GABRB1: variants seen among roughly 807,000 people sequenced by gnomAD.
GABRB1 encodes gamma-aminobutyric acid type A receptor subunit beta1.
A neutral mutation model predicts 51.6 loss-of-function variants in GABRB1; 17 were observed. The ratio of observed to expected loss-of-function variants is 0.33; its 90% CI spans 0.23 to 0.49. The LOEUF is 0.49. Among genes scored for constraint, GABRB1 ranks in the 20% least tolerant of loss-of-function variants. The pLI is 0.99. For synonymous variants in GABRB1, 247 were observed against 218.9 expected (o/e 1.13, Z -1.14); for missense variants, 410 against 600.6 (o/e 0.68, Z 3.32).
intron 4 of GABRB1, among the ~76,000 whole-genome samples, chr4:47,170,137 G>A (rs1388992516): frequency 6.6e-6 from 1 of 151,980 alleles, no homozygotes; most frequent in Non-Finnish European, 1.5e-5. Context: ...GACCTGATGA[G>A]GATTTTGATA....
At chr4:47,384,043 A>AAT (rs1727688080) in intron 5 of GABRB1, among the ~76,000 whole-genome samples, 1 of 152,126 alleles carries the variant, frequency 6.6e-6, no homozygotes. Context: ...AGGATATTTA[A>AAT]ATAACTTTGA....
chr4:47,197,731 T>C (rs953743779), intron 4 of GABRB1, among the ~76,000 whole-genome samples: 1 of 152,234 alleles, frequency 6.6e-6, no homozygotes, highest in Admixed American at 6.5e-5. Flanking sequence ...ATACCTATAC[T>C]ATATATGCCA....
At chr4:47,062,231 A>AT (rs1438110835) in intron 3 of GABRB1, among the ~76,000 whole-genome samples, 1 of 151,662 alleles carries the variant, frequency 6.6e-6, no homozygotes, top group African/African-American at 2.4e-5. Context: ...TCTCAAAAGG[A>AT]TTTTTTTAGT....
chr4:47,207,259 C>T (rs1225925916), intron 4 of GABRB1, among the ~76,000 whole-genome samples: 1 of 151,920 alleles, frequency 6.6e-6, no homozygotes, highest in Non-Finnish European at 1.5e-5. Flanking sequence ...TTAACTTGAG[C>T]TACTCTCTGT....
chr4:47,371,264 A>G (rs544858757), intron 5 of GABRB1, among the ~76,000 whole-genome samples: 1 of 152,174 alleles, frequency 6.6e-6, no homozygotes, highest in Non-Finnish European at 1.5e-5. Flanking sequence ...AAAGAACATG[A>G]TATCATTCCT....
intron 3 of GABRB1, among the ~76,000 whole-genome samples, chr4:47,118,072 T>C (rs1304429345): frequency 1.3e-5 from 2 of 152,116 alleles, no homozygotes; most frequent in African/African-American, 2.4e-5. Flanking sequence ...ATAAAATATA[T>C]AGGATATAAA....
intron 3 of GABRB1, among the ~76,000 whole-genome samples, chr4:47,122,789 G>A (rs573502157): frequency 6.6e-6 from 1 of 152,312 alleles, no homozygotes; most frequent in East Asian, 1.9e-4. Context: ...AGGAACCACA[G>A]TGGGCAAGAA....
intron 5 of GABRB1, among the ~76,000 whole-genome samples, chr4:47,360,041 G>A (rs1471279296): frequency 6.6e-6 from 1 of 151,670 alleles, no homozygotes; most frequent in African/African-American, 2.4e-5. Context: ...GAGCGGGGAG[G>A]ATCACCTAAT....
chr4:47,258,757 A>C (rs1006804080), intron 4 of GABRB1, among the ~76,000 whole-genome samples: 8 of 152,190 alleles, frequency 5.3e-5, no homozygotes, highest in Non-Finnish European at 8.8e-5. Context: ...ATTGCAATCA[A>C]TATATACATG....
intron 1 of GABRB1, among the ~76,000 whole-genome samples, chr4:47,001,629 T>C (rs1724221712): frequency 6.6e-6 from 1 of 152,220 alleles, no homozygotes; most frequent in Non-Finnish European, 1.5e-5. Flanking sequence ...GACTTCAGAT[T>C]TGATCTGCAA....
intron 3 of GABRB1, among the ~76,000 whole-genome samples, chr4:47,117,749 G>T (rs769902308): frequency 1.1e-4 from 16 of 152,088 alleles, no homozygotes; most frequent in Non-Finnish European, 2.1e-4. Flanking sequence ...ATATAATAAA[G>T]GTTGGTTATG....
rs1577981460 is a variant in GABRB1, at chr4:47,183,716, G to A, written c.461+22247G>A. 2.0e-5 allele frequency among the ~76,000 whole-genome samples: 3 copies of A among 151,676 alleles called. No individual in the cohort carries two copies. In the East Asian group the frequency reaches 5.9e-4, roughly 30 times the overall value. On this transcript the variant is annotated intron_variant, in intron 4 of 8. Coordinates refer to ENST00000295454, the MANE Select transcript of GABRB1 (RefSeq NM_000812.4). ...TCACCTCTCAATCCCTGCTAGTGTT[G>A]CCTTACATCCACATGAACTCATGGC...
At chr4:47,386,785 G>A (rs1170952755) in intron 5 of GABRB1, among the ~76,000 whole-genome samples, 2 of 152,152 alleles carry the variant, frequency 1.3e-5, no homozygotes, top group African/African-American at 4.8e-5. Flanking sequence ...AGCATTCTGG[G>A]CAATATAGTA....
chr4:47,142,582 A>C (rs1716979080), intron 3 of GABRB1, among the ~76,000 whole-genome samples: 1 of 151,874 alleles, frequency 6.6e-6, no homozygotes, highest in African/African-American at 2.4e-5. Context: ...CGATGTGAAA[A>C]ATGAGTTTGG....
rs183182921 is a variant in GABRB1, at chr4:47,356,676, C to T, written c.544+36467C>T. On this transcript the variant is annotated intron_variant, in intron 5 of 8. Coordinates refer to ENST00000295454, the MANE Select transcript of GABRB1 (RefSeq NM_000812.4). Reference sequence around the variant, plus strand: ...GGGTCATAAACCTTAATAGAAATGGCTTGGAAGATGTTGATCTAGTTTTGG... The same window carrying T: ...GGGTCATAAACCTTAATAGAAATGGTTTGGAAGATGTTGATCTAGTTTTGG... Among the ~76,000 whole-genome samples the T allele has an allele frequency of 2.0e-3, 303 of 152,204 alleles. 2 individuals carry two copies. The highest frequency in any genetic ancestry group is 3.4e-3 in the Non-Finnish European group (232 of 67,992).
chr4:47,070,873 TA>T (rs1460174675), intron 3 of GABRB1, among the ~76,000 whole-genome samples: 2 of 152,208 alleles, frequency 1.3e-5, no homozygotes, highest in East Asian at 3.9e-4. Flanking sequence ...AAGGACTTTC[TA>T]AATCTGAGAT....
intron 4 of GABRB1, among the ~76,000 whole-genome samples, chr4:47,261,333 A>C (rs570554876): frequency 6.6e-6 from 1 of 152,334 alleles, no homozygotes; most frequent in South Asian, 2.1e-4. Flanking sequence ...TAACCTGATA[A>C]GCAACTCCAG....
At chr4:47,258,398 A>G (rs1287133258) in intron 4 of GABRB1, among the ~76,000 whole-genome samples, 1 of 152,134 alleles carries the variant, frequency 6.6e-6, no homozygotes. Context: ...TTATGTTCCT[A>G]CCATTTAACA....
chr4:47,119,444 A>C (rs2109644752), intron 3 of GABRB1, among the ~76,000 whole-genome samples: 1 of 152,144 alleles, frequency 6.6e-6, no homozygotes, highest in African/African-American at 2.4e-5. Flanking sequence ...ACCTCCTTCA[A>C]CCTCAGACAT....
Sources: gnomAD v4.1 joint callset for allele counts (sites outside exome capture counted in the v4.1 genomes callset) on GRCh38, gnomAD v4.1.1 for gene constraint, MANE v1.5 for transcripts, NCBI Gene and HGNC (gene_info 2026-07-23, HGNC 2026-07-21) for gene names.